LRRC4C: variants seen among roughly 807,000 people sequenced by gnomAD.
The protein encoded by LRRC4C is leucine rich repeat containing 4C.
Under a neutral mutation model 33.6 loss-of-function variants are expected in LRRC4C, and 5 were observed. That is an observed-to-expected ratio of 0.15 (90% CI 0.08 to 0.31). LRRC4C has a LOEUF of 0.31. LRRC4C is among the 10% of genes least tolerant of loss of function. The pLI is 1.00. For synonymous variants in LRRC4C, 329 were observed against 302.0 expected, an observed-to-expected ratio of 1.09 and a Z score of -0.93; for missense variants, 560 against 796.7, an observed-to-expected ratio of 0.70 and a Z score of 3.58.
chr11:40,124,939 T>TACCCAC (rs1565018045), intron 6 of LRRC4C, among the ~76,000 whole-genome samples: 2 of 151,846 alleles, frequency 1.3e-5, no homozygotes, highest in Non-Finnish European at 2.9e-5. Context: ...ACCTACTATG[T>TACCCAC]ACCCACAATA....
chr11:40,166,115 GTGTACATATGTTCCAAA>G (rs1325434559), intron 5 of LRRC4C, among the ~76,000 whole-genome samples: 1 of 152,124 alleles, frequency 6.6e-6, no homozygotes, highest in Non-Finnish European at 1.5e-5. Context: ...CAGTACAAAT[GTGTACATATGTTCCAAA>G]TGTACATTAG....
chr11:40,476,342 C>CTTTTT (rs71308392), intron 3 of LRRC4C, among the ~76,000 whole-genome samples: 43 of 81,338 alleles, frequency 5.3e-4, no homozygotes, highest in South Asian at 1.2e-3. Flanking sequence ...TTTTTTTCTT[C>CTTTTT]TTTTTTTTTT....
chr11:40,161,403 A>G (rs1307820516), intron 5 of LRRC4C, among the ~76,000 whole-genome samples: 1 of 152,258 alleles, frequency 6.6e-6, no homozygotes, highest in African/African-American at 2.4e-5. Flanking sequence ...ATATTTTTAA[A>G]GTATCTGGTA....
At chr11:40,953,018 C>G (rs1303571523) in intron 1 of LRRC4C, among the ~76,000 whole-genome samples, 3 of 151,802 alleles carry the variant, frequency 2.0e-5, no homozygotes, top group Non-Finnish European at 4.4e-5. Context: ...TCAGAGAGCT[C>G]TGCATGTAGC....
intron 1 of LRRC4C, among the ~76,000 whole-genome samples, chr11:41,217,946 A>T (rs1947133289): frequency 6.6e-6 from 1 of 152,324 alleles, no homozygotes; most frequent in South Asian, 2.1e-4. Flanking sequence ...AGCACACATA[A>T]TCTTCTTAGT....
intron 2 of LRRC4C, among the ~76,000 whole-genome samples, chr11:40,828,764 A>T (rs1471649170): frequency 1.3e-5 from 2 of 151,854 alleles, no homozygotes; most frequent in Non-Finnish European, 2.9e-5. Flanking sequence ...AAGGGCTTGT[A>T]CTAGACAATT....
intron 3 of LRRC4C, among the ~76,000 whole-genome samples, chr11:40,636,500 G>A (rs1941758791): frequency 6.6e-6 from 1 of 152,108 alleles, no homozygotes. Flanking sequence ...CATACCATAA[G>A]AAAGGCTCAA....
chr11:40,143,174 C>G (rs767261107), intron 5 of LRRC4C, among the ~76,000 whole-genome samples: 4 of 152,164 alleles, frequency 2.6e-5, no homozygotes, highest in African/African-American at 4.8e-5. Context: ...TCTCCAAACA[C>G]ATCTATTGCT....
intron 3 of LRRC4C, among the ~76,000 whole-genome samples, chr11:40,443,817 A>C (rs576370907): frequency 1.9e-4 from 29 of 152,338 alleles, no homozygotes; most frequent in Admixed American, 1.8e-3. Flanking sequence ...TCATCTTTCC[A>C]GTGACATTCA....
In LRRC4C at chr11:40,440,261, T is replaced by A. The variant is rs149234928; in HGVS notation, c.-269-120540A>T. The stretch of plus-strand genomic sequence containing the variant: ...AATGAATTAATGACCCAGATCTGTG[T>A]GACTCTTAAATGACAAAATCTTTAG... On this transcript the variant is annotated intron_variant, in intron 3 of 6. Transcript: ENST00000528697. 5.3e-5 allele frequency among the ~76,000 whole-genome samples: 8 copies of A among 151,708 alleles called. No homozygotes were observed. In the East Asian group the frequency reaches 1.6e-3, roughly 30 times the overall value.
chr11:41,443,568 T>C (rs1955722474), intron 1 of LRRC4C, among the ~76,000 whole-genome samples: 1 of 152,020 alleles, frequency 6.6e-6, no homozygotes, highest in South Asian at 2.1e-4. Flanking sequence ...CTCCTTTTTC[T>C]TTTTTCTTTC....
chr11:40,788,927 C>G (rs1395750805), intron 2 of LRRC4C, among the ~76,000 whole-genome samples: 1 of 151,788 alleles, frequency 6.6e-6, no homozygotes. Flanking sequence ...CCCGTCTCTA[C>G]TAAAAATACA....
At chr11:40,333,408 AGTTGT>A (rs1946447120) in intron 3 of LRRC4C, among the ~76,000 whole-genome samples, 1 of 152,156 alleles carries the variant, frequency 6.6e-6, no homozygotes, top group South Asian at 2.1e-4. Flanking sequence ...GAAAAATTGT[AGTTGT>A]CATTTTTAAA....
Position 41,325,245 on chromosome 11 carries a change from G to A in LRRC4C, c.-496+134186C>T, listed in dbSNP as rs530751443. Among the ~76,000 whole-genome samples, 7 of 152,146 alleles carry A rather than the reference G, an allele frequency of 4.6e-5. No homozygotes were observed. The East Asian group carries it at 1.2e-3, about 25-fold the overall frequency. ...ATGCTTCATGCAAAATGTATATTAAGCTTGTGAATGATTCTTGACAAAATA... is the reference window on the plus strand; with the variant it reads ...ATGCTTCATGCAAAATGTATATTAAACTTGTGAATGATTCTTGACAAAATA... On this transcript the variant is annotated intron_variant, in intron 1 of 6. Transcript: ENST00000528697.
intron 2 of LRRC4C, among the ~76,000 whole-genome samples, chr11:40,829,779 C>T (rs1187269312): frequency 6.6e-6 from 1 of 152,008 alleles, no homozygotes; most frequent in African/African-American, 2.4e-5. Context: ...TATCTATCAA[C>T]CACTGTGTCA....
intron 1 of LRRC4C, among the ~76,000 whole-genome samples, chr11:41,111,161 T>A (rs1380671948): frequency 6.6e-6 from 1 of 152,118 alleles, no homozygotes; most frequent in Non-Finnish European, 1.5e-5. Context: ...GGGTTGAGAA[T>A]TTATGCCTTA....
intron 5 of LRRC4C, among the ~76,000 whole-genome samples, chr11:40,211,788 T>C (rs987894426): frequency 2.0e-5 from 3 of 152,204 alleles, no homozygotes; most frequent in East Asian, 3.9e-4. Context: ...GATAACATCA[T>C]AATGTGATTT....
intron 2 of LRRC4C, among the ~76,000 whole-genome samples, chr11:40,804,066 T>G (rs897546593): frequency 2.0e-5 from 3 of 152,206 alleles, no homozygotes; most frequent in African/African-American, 7.2e-5. Flanking sequence ...TGAATTATTA[T>G]ATAAATGGTT....
At chr11:40,407,249 C>G (rs919323071) in intron 3 of LRRC4C, among the ~76,000 whole-genome samples, 2 of 152,032 alleles carry the variant, frequency 1.3e-5, no homozygotes, top group Admixed American at 6.6e-5. Flanking sequence ...GTGGATTTGA[C>G]AAAGCAAAGA....
Sources: allele counts gnomAD v4.1 joint callset (sites outside exome capture counted in the v4.1 genomes callset), GRCh38; gene constraint gnomAD v4.1.1; transcripts MANE v1.5; gene names NCBI Gene and HGNC (gene_info 2026-07-23, HGNC 2026-07-21).